MYO16: variants seen among roughly 807,000 people sequenced by gnomAD.
The protein encoded by MYO16 is unconventional myosin-XVI.
A neutral mutation model predicts 205.3 loss-of-function variants in MYO16; 94 were observed. The ratio of observed to expected loss-of-function variants is 0.46; its 90% CI spans 0.39 to 0.54. MYO16 has a LOEUF of 0.54. Among genes scored for constraint, MYO16 ranks in the 20% least tolerant of loss-of-function variants. The pLI, the probability that MYO16 is intolerant of heterozygous loss-of-function variation, is 0.00. For missense variants in MYO16, 2,315 were observed against 2,387.5 expected (o/e 0.97, Z 0.63); for synonymous variants, 988 against 954.0 (o/e 1.04, Z -0.66).
chr13:109,145,937 A>G, intron 32 of MYO16, among the ~76,000 whole-genome samples: 1 of 152,200 alleles, frequency 6.6e-6, no homozygotes, highest in East Asian at 1.9e-4. Context: ...CGAAAATCAG[A>G]CTCAAAATAT....
In MYO16 at chr13:108,923,911, A is replaced by G. The variant is rs543845419; in HGVS notation, c.1925+13761A>G. On this transcript the variant is annotated intron_variant, in intron 16 of 34. Coordinates refer to ENST00000457511, the MANE Select transcript of MYO16 (RefSeq NM_001198950.3). ...AGCATTTGCATACTGTGATTTTGGA[A>G]CTGACATATTGGCATTGTTGTATAG... 1.4e-4 allele frequency among the ~76,000 whole-genome samples: 21 copies of G among 152,264 alleles called. No individual in the cohort carries two copies. The East Asian group carries it at 4.1e-3, about 29-fold the overall frequency.
At chr13:108,535,180 G>C in the MYO16 span, among the ~76,000 whole-genome samples, 1 of 151,484 alleles carries the variant, frequency 6.6e-6, no homozygotes, top group African/African-American at 2.4e-5. Context: ...TTTTAGCAAA[G>C]AGGAAACTCT....
chr13:108,548,709 T>C, the MYO16 span, among the ~76,000 whole-genome samples: 3 of 152,004 alleles, frequency 2.0e-5, no homozygotes, highest in Admixed American at 6.6e-5. Flanking sequence ...ATTATGATGA[T>C]GAATGGTGAT....
chr13:109,055,211 T>G lies in MYO16; in HGVS notation c.3129+85T>G. ...TTATGTAGACTTTTTTTTCCATTTT[T>G]GACAACTTAAATATCTTCACAAAAA... On this transcript the variant is annotated intron_variant, in intron 26 of 34. Coordinates refer to ENST00000457511, the MANE Select transcript of MYO16 (RefSeq NM_001198950.3). This position sits in a 1 kb window ranked among gnomAD's most constrained non-coding sequence, Gnocchi z 5.0. 7 of 1,213,510 alleles carry G rather than the reference T, an allele frequency of 5.8e-6. No individual in the cohort carries two copies. Among genetic ancestry groups the G allele is most frequent in the Non-Finnish European group, 8.1e-6 (7 of 861,692 alleles). 75.2% of individuals were successfully genotyped at this position (1,213,510 alleles called of 1,614,324 possible). A position where few individuals can be genotyped will look rare whatever the true frequency, so the allele number is the denominator to read the frequency against.
At chr13:108,561,347 T>C in the MYO16 span, among the ~76,000 whole-genome samples, 1 of 152,234 alleles carries the variant, frequency 6.6e-6, no homozygotes, top group Non-Finnish European at 1.5e-5. Context: ...TTTTATTCTC[T>C]TGGCATAGAC....
the MYO16 span, among the ~76,000 whole-genome samples, chr13:108,534,664 G>A: frequency 6.6e-6 from 1 of 150,958 alleles, no homozygotes; most frequent in Non-Finnish European, 1.5e-5. Flanking sequence ...CTCTTCATTG[G>A]CTCATTTTGT....
intron 21 of MYO16, among the ~76,000 whole-genome samples, chr13:109,005,695 C>A (rs963289170): frequency 5.9e-5 from 9 of 152,102 alleles, no homozygotes; most frequent in African/African-American, 9.7e-5. Flanking sequence ...GATGTTTGAG[C>A]TAGCTACACC....
the MYO16 span, among the ~76,000 whole-genome samples, chr13:108,584,534 G>A: frequency 6.6e-6 from 1 of 151,910 alleles, no homozygotes; most frequent in Middle Eastern, 3.4e-3. Context: ...ATTAATTATA[G>A]TTACCCTACT....
chr13:108,766,696 G>A (rs960713293), intron 4 of MYO16, among the ~76,000 whole-genome samples: 2 of 152,318 alleles, frequency 1.3e-5, no homozygotes, highest in African/African-American at 4.8e-5. Context: ...GCCTTTTGGG[G>A]TCTTTGTCTA....
At chr13:108,978,586 A>T (rs1386624542) in intron 20 of MYO16, among the ~76,000 whole-genome samples, 1 of 151,968 alleles carries the variant, frequency 6.6e-6, no homozygotes, top group African/African-American at 2.4e-5. Flanking sequence ...CTGTTTGCTC[A>T]TGATATACTA....
In MYO16 at chr13:109,068,621, G is replaced by A. The variant is rs540874735; in HGVS notation, c.3335+13026G>A. 4.4e-5 allele frequency among the ~76,000 whole-genome samples: 6 copies of A among 136,968 alleles called. No individual in the cohort carries two copies. In the East Asian group the frequency reaches 1.3e-3, roughly 29 times the overall value. The allele number at this position is 136,968 out of a possible 152,430, so 89.9% of individuals were successfully genotyped here. A position where few individuals can be genotyped will look rare whatever the true frequency, so the allele number is the denominator to read the frequency against. ...TTTTTTTTTTTTGAGGTGGAGTTTC[G>A]CTCTTTCTTGCCCAAGCTGGAGTGC... On this transcript the variant is annotated intron_variant, in intron 27 of 34. Transcript: ENST00000457511.
chr13:108,659,082 T>C (rs188452898), intron 1 of MYO16, among the ~76,000 whole-genome samples: 1 of 151,578 alleles, frequency 6.6e-6, no homozygotes, highest in East Asian at 1.9e-4. Context: ...TAGTTCATTT[T>C]CCTCTTCACT....
At chr13:108,928,627 G>T (rs993912537) in intron 16 of MYO16, among the ~76,000 whole-genome samples, 4 of 151,970 alleles carry the variant, frequency 2.6e-5, no homozygotes, top group Non-Finnish European at 5.9e-5. Flanking sequence ...TTAGGTAAAA[G>T]GAGTGTGTGT....
chr13:108,771,860 A>C (rs1885976583), intron 4 of MYO16, among the ~76,000 whole-genome samples: 1 of 152,010 alleles, frequency 6.6e-6, no homozygotes, highest in Admixed American at 6.5e-5. Context: ...CTACTATTCC[A>C]ATGTCTGGAT....
intron 20 of MYO16, 118 bp from the exon 21 acceptor site, chr13:108,992,258 A>G: frequency 1.8e-6 from 1 of 566,410 alleles, no homozygotes; most frequent in Non-Finnish European, 3.0e-6. Flanking sequence ...TCACATTTTT[A>G]GTCCAAATTG....
At chr13:108,830,606 G>C (rs919126472) in intron 9 of MYO16, among the ~76,000 whole-genome samples, 22 of 125,274 alleles carry the variant, frequency 1.8e-4, no homozygotes, top group African/African-American at 6.8e-4. Context: ...TCTGGGGACT[G>C]TTGTGGGGTG....
chr13:109,045,959 G>A (rs1274690258), intron 23 of MYO16, among the ~76,000 whole-genome samples: 1 of 150,220 alleles, frequency 6.7e-6, no homozygotes, highest in Non-Finnish European at 1.5e-5. Context: ...GCATGGCCGA[G>A]GCACACTCTC....
intron 24 of MYO16, among the ~76,000 whole-genome samples, chr13:109,052,027 C>T (rs949462362): frequency 6.6e-6 from 1 of 152,082 alleles, no homozygotes; most frequent in African/African-American, 2.4e-5. Context: ...GTTCTGAAAA[C>T]TAGGATAGAA....
rs1382806699 is a variant in MYO16, at chr13:108,727,521, T to C, written c.445T>C (p.Trp149Arg). ...CGTCAACCACCAGGATGAAGACTTCTGGACGCCCATGCACATTGCCTGTGC... is the reference window on the plus strand; with the variant it reads ...CGTCAACCACCAGGATGAAGACTTCCGGACGCCCATGCACATTGCCTGTGC... Reference protein sequence around the residue: ...VNVNHQDEDFWTPMHIACACD... With the variant: ...VNVNHQDEDFRTPMHIACACD... Residue 149 changes from tryptophan to arginine, a missense_variant, in exon 4 of 35, where the codon TGG becomes CGG. By Grantham distance (101) the Trp-to-Arg change is moderately radical. This residue lies in a region of MYO16 where 1,213 missense variants were observed against 1,274.4 expected (regional missense o/e 0.95). Coordinates refer to ENST00000457511, the MANE Select transcript of MYO16 (RefSeq NM_001198950.3). 4.3e-6 allele frequency: 7 copies of C among 1,614,156 alleles called. No individual in the cohort carries two copies. In the South Asian group the frequency reaches 5.5e-5, roughly 13 times the overall value.
Sources: gnomAD v4.1 joint callset for allele counts (sites outside exome capture counted in the v4.1 genomes callset) on GRCh38, gnomAD v4.1.1 for gene constraint, gnomAD v4.1.1 regional missense constraint, Gnocchi (gnomAD v3.1) non-coding constraint, MANE v1.5 for transcripts, NCBI Gene and HGNC (gene_info 2026-07-23, HGNC 2026-07-21) for gene names.